C9orf85: variants seen among roughly 807,000 people sequenced by gnomAD.
C9orf85 encodes the protein uncharacterized protein C9orf85.
A neutral mutation model predicts 14.9 loss-of-function variants in C9orf85; 16 were observed. That is an observed-to-expected ratio of 1.08 (90% CI 0.73 to 1.63). The LOEUF (loss-of-function observed/expected upper bound fraction) is 1.63. C9orf85 is among the 40% of genes most tolerant of loss of function. The pLI, the probability that C9orf85 is intolerant of heterozygous loss-of-function variation, is 0.00. For missense variants in C9orf85, 172 were observed against 186.1 expected, an observed-to-expected ratio of 0.92 and a Z score of 0.44; for synonymous variants, 45 against 56.8, an observed-to-expected ratio of 0.79 and a Z score of 0.93.
At chr9:71,957,444 T>G (rs991382204) in intron 2 of C9orf85, among the ~76,000 whole-genome samples, 1 of 152,174 alleles carries the variant, frequency 6.6e-6, no homozygotes, top group Non-Finnish European at 1.5e-5. Context: ...AGTGAAAAAC[T>G]GATTACTTAC....
At chr9:71,968,584 A>G (rs1480148345) in intron 2 of C9orf85, among the ~76,000 whole-genome samples, 1 of 152,148 alleles carries the variant, frequency 6.6e-6, no homozygotes, top group Non-Finnish European at 1.5e-5. Context: ...CATAGAGTTA[A>G]ATCTAAAATT....
chr9:71,974,152 C>T (rs996459463), downstream of C9orf85, among the ~76,000 whole-genome samples: 6 of 151,990 alleles, frequency 3.9e-5, no homozygotes, highest in African/African-American at 1.4e-4. Flanking sequence ...GTCTTGAACT[C>T]CTGACCTCAG....
At chr9:71,923,775 G>C (rs948046934) in intron 1 of C9orf85, among the ~76,000 whole-genome samples, 4 of 152,050 alleles carry the variant, frequency 2.6e-5, no homozygotes, top group Admixed American at 6.5e-5. Flanking sequence ...TATTACCGTA[G>C]ATGAAACTAT....
rs772829488 is a variant in C9orf85, at chr9:71,971,549, T to C, written c.254T>C (p.Met85Thr). The C allele has an allele frequency of 1.9e-5, 31 of 1,611,072 alleles. No homozygotes were observed. The highest frequency in any genetic ancestry group is 1.7e-4 in the Middle Eastern group (1 of 6,024). The change falls in exon 3 of 4, where the codon ATG becomes ACG. Residue 85 changes from methionine to threonine, a missense_variant. Physicochemically the swap from Met to Thr is moderately conservative, Grantham distance 81. Transcript: ENST00000334731. ...QKTVKDSYHI[M>T]CRPCACELEV... ...ACAGTGAAGGATTCTTATCACATAA[T>C]GTGCAGGCCATGTGCCTGTGAACTT...
At chr9:71,968,801 A>T (rs562587425) in intron 2 of C9orf85, among the ~76,000 whole-genome samples, 1 of 152,328 alleles carries the variant, frequency 6.6e-6, no homozygotes, top group South Asian at 2.1e-4. Flanking sequence ...TCCCTGACGC[A>T]GGTAGCCTCT....
At chr9:71,976,453 G>C (rs1437463189), downstream of C9orf85, among the ~76,000 whole-genome samples, 1 of 152,120 alleles carries the variant, frequency 6.6e-6, no homozygotes, top group Non-Finnish European at 1.5e-5. Flanking sequence ...ACGAGGTCAG[G>C]AGATCGAGAC....
In C9orf85 at chr9:71,968,101, T is replaced by TATATAGAG. The variant is rs1554709461; in HGVS notation, c.210-3403_210-3402insTATAGAGA. Among the ~76,000 whole-genome samples, 721 of 146,812 alleles carry TATATAGAG rather than the reference T, an allele frequency of 4.9e-3. 5 individuals carry two copies. The highest frequency in any genetic ancestry group is 0.017 in the African/African-American group (662 of 39,752). Reference sequence around the variant, plus strand: ...ATCCATTGCTGCATATATATATATATAGAGAGAGAGAGAGAGAGTGCATGC... The same window carrying TATATAGAG: ...ATCCATTGCTGCATATATATATATATATATAGAGAGAGAGAGAGAGAGAGAGTGCATGC... On this transcript the variant is annotated intron_variant, in intron 2 of 3. Transcript: ENST00000334731.
At chr9:71,957,400 T>C (rs995677629) in intron 2 of C9orf85, among the ~76,000 whole-genome samples, 7 of 152,202 alleles carry the variant, frequency 4.6e-5, no homozygotes, top group African/African-American at 1.4e-4. Flanking sequence ...GTCAATTTCA[T>C]TGAAATAAGT....
intron 2 of C9orf85, among the ~76,000 whole-genome samples, chr9:71,966,022 G>A (rs1197301077): frequency 2.0e-5 from 3 of 152,152 alleles, no homozygotes; most frequent in Admixed American, 1.3e-4. Context: ...AGGAGTATGC[G>A]CCTGTAACAA....
At chr9:71,912,251 T>G (rs1827523118) in intron 1 of C9orf85, among the ~76,000 whole-genome samples, 1 of 152,134 alleles carries the variant, frequency 6.6e-6, no homozygotes, top group Non-Finnish European at 1.5e-5. Context: ...ATAGAGGAAA[T>G]GTGAATGATT....
At chr9:71,929,976 T>G (rs1828032021) in intron 1 of C9orf85, among the ~76,000 whole-genome samples, 1 of 150,418 alleles carries the variant, frequency 6.6e-6, no homozygotes, top group Non-Finnish European at 1.5e-5. Flanking sequence ...AAAACGAGGA[T>G]AATTATACCT....
At chr9:71,975,725 C>T (rs1291325562), downstream of C9orf85, among the ~76,000 whole-genome samples, 3 of 149,588 alleles carry the variant, frequency 2.0e-5, no homozygotes, top group Non-Finnish European at 3.0e-5. Context: ...CCAGCTAGTC[C>T]GGAGGCTGAG....
At chr9:71,971,921 C>T (rs7350282) in intron 3 of C9orf85, among the ~76,000 whole-genome samples, 1 of 144,894 alleles carries the variant, frequency 6.9e-6, no homozygotes, top group Admixed American at 7.2e-5. Flanking sequence ...TTGCAGTAAG[C>T]TGAGATGGTG....
At chr9:71,935,671 A>G (rs1828170953) in intron 1 of C9orf85, among the ~76,000 whole-genome samples, 1 of 151,944 alleles carries the variant, frequency 6.6e-6, no homozygotes, top group Non-Finnish European at 1.5e-5. Context: ...AATTCCATTT[A>G]CATGAGATAC....
At chr9:71,963,666 A>C (rs1288990696) in intron 2 of C9orf85, among the ~76,000 whole-genome samples, 13 of 152,128 alleles carry the variant, frequency 8.5e-5, no homozygotes, top group Admixed American at 8.5e-4. Context: ...CCGGGCAATG[A>C]GGGGCTTAGC....
At chr9:71,943,340 A>G (rs1488076274) in intron 1 of C9orf85, among the ~76,000 whole-genome samples, 1 of 152,204 alleles carries the variant, frequency 6.6e-6, no homozygotes, top group African/African-American at 2.4e-5. Flanking sequence ...ATGTACAAAA[A>G]AAACCTAAGG....
At chr9:71,963,317 G>A (rs1390371407) in intron 2 of C9orf85, among the ~76,000 whole-genome samples, 3 of 152,164 alleles carry the variant, frequency 2.0e-5, no homozygotes, top group East Asian at 3.9e-4. Flanking sequence ...ATGGTGGCAG[G>A]CCACTTCCAA....
intron 1 of C9orf85, chr9:71,912,112 T>TA (rs1827517196): frequency 8.9e-6 from 4 of 449,912 alleles, no homozygotes; most frequent in Admixed American, 3.2e-5. Context: ...ATGGGGCAGT[T>TA]ACGTCGTTCA....
chr9:71,971,057 A>G (rs1331406266), intron 2 of C9orf85, among the ~76,000 whole-genome samples: 1 of 152,136 alleles, frequency 6.6e-6, no homozygotes, highest in Non-Finnish European at 1.5e-5. Context: ...CCCGGCCTAC[A>G]ATATTAAGTC....
Sources: gnomAD v4.1 joint callset for allele counts (sites outside exome capture counted in the v4.1 genomes callset) on GRCh38, gnomAD v4.1.1 for gene constraint, MANE v1.5 for transcripts, NCBI Gene and HGNC (gene_info 2026-07-23, HGNC 2026-07-21) for gene names.